IL21R: variants seen among roughly 807,000 people sequenced by gnomAD.
The protein encoded by IL21R is interleukin 21 receptor.
A neutral mutation model predicts 41.3 loss-of-function variants in IL21R; 14 were observed. The observed-to-expected ratio is 0.34, with a 90% confidence interval of 0.22 to 0.53. IL21R has a LOEUF of 0.53. IL21R is among the 20% of genes least tolerant of loss of function. IL21R has a pLI of 0.94. For synonymous variants in IL21R, 286 were observed against 287.6 expected (o/e 0.99, Z 0.05); for missense variants, 588 against 681.6 (o/e 0.86, Z 1.53).
chr16:27,426,380 T>C lies in IL21R; in HGVS notation c.-16-3676T>C, dbSNP rs1282171547. Among the ~76,000 whole-genome samples, 5 of 152,350 alleles carry C rather than the reference T, an allele frequency of 3.3e-5. No homozygotes were observed. In the East Asian group the frequency reaches 5.8e-4, roughly 18 times the overall value. On this transcript the variant is annotated intron_variant, in intron 1 of 8. Coordinates refer to ENST00000337929, the MANE Select transcript of IL21R (RefSeq NM_181078.3). ...GTAAAGATCAATAGTAAGTGGATAA[T>C]TAATAGTAGCACCAGTGAAAACCTC...
intron 1 of IL21R, among the ~76,000 whole-genome samples, chr16:27,414,405 A>G (rs948885117): frequency 2.0e-5 from 3 of 152,058 alleles, no homozygotes; most frequent in Admixed American, 1.3e-4. Flanking sequence ...TGTGATAATA[A>G]TATGTTATCC....
In IL21R at chr16:27,448,312, G is replaced by A. The variant is rs3093383; in HGVS notation, c.868-222G>A. 96,300 of 518,086 alleles carry A rather than the reference G, an allele frequency of 0.19. 10,324 individuals carry two copies. Among genetic ancestry groups the A allele is most frequent in the Middle Eastern group, 0.23 (486 of 2,154 alleles). 32.1% of individuals were successfully genotyped at this position (518,086 alleles called of 1,614,324 possible). A position where few individuals can be genotyped will look rare whatever the true frequency, so the allele number is the denominator to read the frequency against. On this transcript the variant is annotated intron_variant, in intron 8 of 8. Coordinates refer to ENST00000337929, the MANE Select transcript of IL21R (RefSeq NM_181078.3). ...TCTACTAAAAATACAAAAATTAGCC[G>A]GGTGTGGTGACAGGCGCCTGTAGTC...
chr16:27,437,387 C>T (rs1286698360), intron 3 of IL21R, 101 bp from the exon 4 acceptor site: 12 of 951,532 alleles, frequency 1.3e-5, no homozygotes, highest in Non-Finnish European at 1.2e-5. Context: ...TCCCTCCCAG[C>T]CCTGAGAGTC....
chr16:27,414,088 G>T (rs1026141747), intron 1 of IL21R, among the ~76,000 whole-genome samples: 1 of 151,334 alleles, frequency 6.6e-6, no homozygotes, highest in Non-Finnish European at 1.5e-5. Context: ...TCTAGTATAA[G>T]ATGTTTTTGT....
chr16:27,411,710 C>A (rs146247042), intron 1 of IL21R, among the ~76,000 whole-genome samples: 2 of 151,952 alleles, frequency 1.3e-5, no homozygotes, highest in East Asian at 1.9e-4. Flanking sequence ...GTGATTCGCC[C>A]GCCTCGGCCT....
intron 1 of IL21R, among the ~76,000 whole-genome samples, 190 bp from the exon 2 acceptor site, chr16:27,429,866 T>TG (rs1200788444): frequency 6.6e-6 from 1 of 152,174 alleles, no homozygotes; most frequent in Non-Finnish European, 1.5e-5. Context: ...AAGGGATTCT[T>TG]GGGGTGAATC....
At chr16:27,439,880 G>C (rs1419696616) in intron 4 of IL21R, among the ~76,000 whole-genome samples, 1 of 151,972 alleles carries the variant, frequency 6.6e-6, no homozygotes, top group Non-Finnish European at 1.5e-5. Flanking sequence ...CCCTCTTCAC[G>C]ACCCCCAGGC....
chr16:27,414,165 A>AGTGTGTGTGTGTGTGTGTGTGTGTGTGT (rs3917005), intron 1 of IL21R, among the ~76,000 whole-genome samples: 42 of 144,284 alleles, frequency 2.9e-4, no homozygotes, highest in Admixed American at 6.3e-4. Flanking sequence ...AGCTATGTAT[A>AGTGTGTGTGTGTGTGTGTGTGTGTGTGT]GTGTGTGTGT....
intron 5 of IL21R, among the ~76,000 whole-genome samples, chr16:27,444,265 C>T (rs930898290): frequency 1.3e-5 from 2 of 152,024 alleles, no homozygotes; most frequent in African/African-American, 4.8e-5. Flanking sequence ...TATGCCCAGT[C>T]CTGCAGGGAG....
rs1030033747 is a variant in IL21R at position 27,403,343 on chromosome 16, GA to G, written c.-17+727del. 2.1e-5 allele frequency: 21 copies of G among 978,500 alleles called. No homozygotes were observed. The African/African-American group carries it at 3.4e-4, about 16-fold the overall frequency. 60.6% of individuals were successfully genotyped at this position (978,500 alleles called of 1,614,324 possible). A position where few individuals can be genotyped will look rare whatever the true frequency, so the allele number is the denominator to read the frequency against. On this transcript the variant is annotated intron_variant, in intron 1 of 8. Coordinates refer to ENST00000337929, the MANE Select transcript of IL21R (RefSeq NM_181078.3). The stretch of plus-strand genomic sequence containing the variant: ...CTGGTGGAGGAGCCCTGGGGAGCGG[GA>G]ACTTAGGACTTGCCGCAGGAATGAC...
intron 5 of IL21R, chr16:27,444,146 T>A (rs2087437096): frequency 1.3e-5 from 2 of 153,688 alleles, no homozygotes; most frequent in Non-Finnish European, 2.9e-5. Flanking sequence ...TCCACTGATG[T>A]ACTGAGACTT....
In IL21R at chr16:27,402,577, A is replaced by C. The variant is rs184674457; in HGVS notation, c.-58A>C. On this transcript the variant is annotated 5_prime_UTR_variant, in exon 1 of 9. Transcript: ENST00000337929. ...CCCAGAAGCCCATCAGACTGCCCCCAGCACACGGAATGGATTTCTGAGAAA... is the reference window on the plus strand; with the variant it reads ...CCCAGAAGCCCATCAGACTGCCCCCCGCACACGGAATGGATTTCTGAGAAA... 8 of 155,140 alleles carry C rather than the reference A, an allele frequency of 5.2e-5. No individual in the cohort carries two copies. The highest frequency in any genetic ancestry group is 1.9e-4 in the African/African-American group (8 of 41,598). 9.6% of individuals were successfully genotyped at this position (155,140 alleles called of 1,614,324 possible). A position where few individuals can be genotyped will look rare whatever the true frequency, so the allele number is the denominator to read the frequency against.
chr16:27,426,104 A>T (rs1229875913), intron 1 of IL21R, among the ~76,000 whole-genome samples: 1 of 152,160 alleles, frequency 6.6e-6, no homozygotes, highest in Non-Finnish European at 1.5e-5. Context: ...TCTCCCAAAG[A>T]CCTATGAGGC....
intron 1 of IL21R, among the ~76,000 whole-genome samples, chr16:27,424,075 C>CTTTTT (rs2087037714): frequency 6.6e-6 from 1 of 151,908 alleles, no homozygotes; most frequent in East Asian, 1.9e-4. Flanking sequence ...TTTCTTTTCT[C>CTTTTT]TTCTTTTTCT....
At position 27,449,006 on chromosome 16, in the gene IL21R, A is replaced by T. The variant is rs1399638847; in HGVS notation, c.1340A>T (p.Asp447Val). 3 of 1,612,650 alleles carry T rather than the reference A, an allele frequency of 1.9e-6. No homozygotes were observed. In the Admixed American group the frequency reaches 5.0e-5, roughly 27 times the overall value. The change falls in exon 9 of 9, where the codon GAC becomes GTC. Residue 447 changes from aspartate to valine, a missense_variant. By Grantham distance (152) the Asp-to-Val change is radical. Coordinates refer to ENST00000337929, the MANE Select transcript of IL21R (RefSeq NM_181078.3). ...GGAGGGCCCCTGGGAAGCCTCCTGG[A>T]CAGACTAAAGCCACCCCTTGCAGAT... ...GLGGPLGSLL[D>V]RLKPPLADGE...
At chr16:27,446,216 C>G (rs1248630084) in intron 8 of IL21R, 128 bp downstream of exon 8, 16 of 617,594 alleles carry the variant, frequency 2.6e-5, no homozygotes, top group Non-Finnish European at 3.9e-5. Context: ...AGCCAAGCCA[C>G]AAGCCAGGCC....
chr16:27,444,571 C>T lies in IL21R; in HGVS notation c.537C>T (p.Asp179=). 6.4e-7 allele frequency: 1 copy of T among 1,552,956 alleles called. No homozygotes were observed. Among genetic ancestry groups the T allele is most frequent in the South Asian group, 1.2e-5 (1 of 81,216 alleles). ...CGAGGAGAAAGCTGATCTCAGTGGA[C>T]TCAAGAAGTGTCTCCCTCCTCCCCC... is the stretch of plus-strand genomic sequence containing the variant. ...VSPRRKLISV[D]SRSVSLLPLE... Residue 179 remains aspartate (D), a synonymous_variant, in exon 6 of 9, where the codon GAC becomes GAT. Transcript: ENST00000337929.
At chr16:27,413,724 G>T (rs983422061) in intron 1 of IL21R, among the ~76,000 whole-genome samples, 1 of 151,768 alleles carries the variant, frequency 6.6e-6, no homozygotes, top group African/African-American at 2.4e-5. Context: ...TATCCAATTC[G>T]TTGGCATATA....
rs2087528455 is a variant in IL21R at position 27,448,637 on chromosome 16, G to C, written c.971G>C (p.Ser324Thr). Reference sequence around the variant, plus strand: ...GTGTACAGCTGCCACCCACCACGGAGCCCGGCCAAGAGGCTGCAGCTCACG... The same window carrying C: ...GTGTACAGCTGCCACCCACCACGGACCCCGGCCAAGAGGCTGCAGCTCACG... ...LEVYSCHPPRSPAKRLQLTEL... is the reference protein window; with the variant it reads ...LEVYSCHPPRTPAKRLQLTEL... The change falls in exon 9 of 9, where the codon AGC (serine) becomes ACC (threonine). Residue 324 changes from serine (S) to threonine (T), a missense_variant. Physicochemically the swap from Ser to Thr is moderately conservative, Grantham distance 58. Transcript: ENST00000337929. 6.2e-7 allele frequency: 1 copy of C among 1,613,076 alleles called. No homozygotes were observed. The highest frequency in any genetic ancestry group is 1.3e-5 in the African/African-American group (1 of 74,938).
Sources: gnomAD v4.1 joint callset for allele counts (sites outside exome capture counted in the v4.1 genomes callset) on GRCh38, gnomAD v4.1.1 for gene constraint, MANE v1.5 for transcripts, NCBI Gene and HGNC (gene_info 2026-07-23, HGNC 2026-07-21) for gene names.